The following XCR1 variants were observed in gnomAD, a reference collection of about 807,000 sequenced individuals.
XCR1 encodes the protein chemokine XC receptor 1.
For synonymous variants in XCR1, 187 were observed against 188.5 expected, an observed-to-expected ratio of 0.99 and a Z score of 0.06; for missense variants, 356 against 424.2, an observed-to-expected ratio of 0.84 and a Z score of 1.41.
intron 4 of XCR1, among the ~76,000 whole-genome samples, chr3:46,059,107 G>C (rs150149291): frequency 3.7e-4 from 56 of 152,286 alleles, no homozygotes; most frequent in Non-Finnish European, 6.0e-4. Flanking sequence ...AGACAGGCCC[G>C]AGCCAGCCTT....
intron 5 of XCR1, among the ~76,000 whole-genome samples, chr3:46,045,975 T>A (rs1304928524): frequency 6.6e-6 from 1 of 152,188 alleles, no homozygotes. Context: ...TAAGTGTCCA[T>A]CAACAGGTGA....
chr3:46,061,856 A>G (rs1204516417), intron 4 of XCR1, among the ~76,000 whole-genome samples: 1 of 152,236 alleles, frequency 6.6e-6, no homozygotes, highest in East Asian at 1.9e-4. Flanking sequence ...AGTGTAAAGC[A>G]TTGGAATGGG....
chr3:46,028,386 G>C (rs546125433), upstream of XCR1, among the ~76,000 whole-genome samples: 10 of 151,546 alleles, frequency 6.6e-5, no homozygotes, highest in Non-Finnish European at 1.5e-4. Context: ...TCTCTTTGTA[G>C]AAGTGTCTAT....
intron 1 of XCR1, among the ~76,000 whole-genome samples, chr3:46,083,348 G>A (rs577858384): frequency 6.6e-6 from 1 of 152,340 alleles, no homozygotes; most frequent in East Asian, 1.9e-4. Context: ...GTGTCTAAGA[G>A]CATGGAATGT....
intron 5 of XCR1, among the ~76,000 whole-genome samples, chr3:46,040,220 T>C (rs940085200): frequency 1.1e-4 from 17 of 152,212 alleles, no homozygotes; most frequent in Admixed American, 1.1e-3. Flanking sequence ...CTCCTCTTTA[T>C]CAAAGAGTAA....
intron 1 of XCR1, among the ~76,000 whole-genome samples, chr3:46,084,089 G>A (rs2125905316): frequency 6.6e-6 from 1 of 152,296 alleles, no homozygotes. Context: ...GCAAACAACA[G>A]CAGCTATGTA....
rs757826633 is a variant in XCR1, at chr3:46,021,369, G to A, written c.579C>T (p.Phe193=). Residue 193 remains phenylalanine (F), a synonymous_variant, in exon 2 of 2, where the codon TTC becomes TTT. Transcript: ENST00000309285. The surrounding 1 kb of genome is among the most constrained non-coding windows in gnomAD (Gnocchi z 4.7). ...GGATAATCCCCAGGGACAGCAGGAA[G>A]AAGAGGTTGTGCTGGTAGACGGAGG... ...YLTSVYQHNL[F]FLLSLGIILF... is the part of the protein sequence containing the mutation. The A allele has an allele frequency of 6.2e-7, 1 of 1,614,212 alleles. No homozygotes were observed. Among genetic ancestry groups the A allele is most frequent in the East Asian group, 2.2e-5 (1 of 44,886 alleles).
chr3:46,080,548 C>T (rs910494977), intron 1 of XCR1, among the ~76,000 whole-genome samples: 2 of 152,026 alleles, frequency 1.3e-5, no homozygotes, highest in Non-Finnish European at 2.9e-5. Flanking sequence ...AGTGACAAAG[C>T]GAGACCCTGT....
At chr3:46,035,412 T>C (rs1158225014) in intron 5 of XCR1, among the ~76,000 whole-genome samples, 1 of 152,188 alleles carries the variant, frequency 6.6e-6, no homozygotes, top group Non-Finnish European at 1.5e-5. Flanking sequence ...GTCTCAGTCA[T>C]TGGTTTTCTG....
chr3:46,054,159 T>C (rs569656558), intron 4 of XCR1, among the ~76,000 whole-genome samples: 11 of 152,124 alleles, frequency 7.2e-5, no homozygotes, highest in Non-Finnish European at 1.5e-4. Context: ...TTGCCTCTAG[T>C]GGACAAGGGC....
chr3:46,040,879 T>C (rs982921964), intron 5 of XCR1, among the ~76,000 whole-genome samples: 1 of 152,194 alleles, frequency 6.6e-6, no homozygotes, highest in African/African-American at 2.4e-5. Context: ...GGCTGATGTG[T>C]TCATAAAGAT....
chr3:46,045,042 G>C (rs1697599857), intron 5 of XCR1, among the ~76,000 whole-genome samples: 1 of 152,046 alleles, frequency 6.6e-6, no homozygotes, highest in African/African-American at 2.4e-5. Flanking sequence ...CACATTACAA[G>C]AAAGGAAAAA....
chr3:46,077,367 T>C (rs1445200360), intron 1 of XCR1, among the ~76,000 whole-genome samples: 1 of 151,978 alleles, frequency 6.6e-6, no homozygotes, highest in African/African-American at 2.4e-5. Flanking sequence ...CTAGGTTGCA[T>C]GCTCCTTACG....
rs886209767 is a variant in XCR1 at position 46,035,221 on chromosome 3, G to A, written c.-31-13243C>T. Among the ~76,000 whole-genome samples, 4 of 152,072 alleles carry A rather than the reference G, an allele frequency of 2.6e-5. No individual in the cohort carries two copies. In the East Asian group the frequency reaches 5.8e-4, roughly 22 times the overall value. ...GCCCACCTAGGCCTCCCAAAGTGTC[G>A]GGATTACAGGCGTGAGCCACCATGC... On this transcript the variant is annotated intron_variant, in intron 5 of 5. Transcript: ENST00000683768.
intron 4 of XCR1, among the ~76,000 whole-genome samples, chr3:46,062,492 G>A (rs559759328): frequency 1.6e-3 from 245 of 152,310 alleles, no homozygotes; most frequent in Non-Finnish European, 2.8e-3. Context: ...TCTATGTTAC[G>A]GTCTAAGGTT....
chr3:46,067,467 T>G (rs986877575), intron 3 of XCR1, among the ~76,000 whole-genome samples: 1 of 152,154 alleles, frequency 6.6e-6, no homozygotes, highest in Non-Finnish European at 1.5e-5. Context: ...TGGATTGAGA[T>G]GAGTTGGGCT....
At chr3:46,071,911 T>G (rs1032473835) in intron 3 of XCR1, among the ~76,000 whole-genome samples, 2 of 152,058 alleles carry the variant, frequency 1.3e-5, no homozygotes, top group Admixed American at 6.6e-5. Context: ...AAGTCAAGAA[T>G]GTCCACATTT....
intron 3 of XCR1, among the ~76,000 whole-genome samples, chr3:46,068,808 G>C (rs1698119336): frequency 6.7e-6 from 1 of 149,406 alleles, no homozygotes; most frequent in African/African-American, 2.5e-5. Flanking sequence ...GTGTGTGTAT[G>C]GTTTCTTATA....
intron 5 of XCR1, among the ~76,000 whole-genome samples, chr3:46,035,931 A>G (rs900599524): frequency 6.6e-6 from 1 of 152,070 alleles, no homozygotes; most frequent in Non-Finnish European, 1.5e-5. Flanking sequence ...TTCCTAAGGA[A>G]TTTTTGTTTG....
Sources: gnomAD v4.1 joint callset for allele counts (sites outside exome capture counted in the v4.1 genomes callset) on GRCh38, gnomAD v4.1.1 for gene constraint, Gnocchi (gnomAD v3.1) non-coding constraint, MANE v1.5 for transcripts, NCBI Gene and HGNC (gene_info 2026-07-23, HGNC 2026-07-21) for gene names.